Variants in TRIM5 observed in about 807,000 individuals in gnomAD.
TRIM5 encodes the protein tripartite motif containing 5.
In TRIM5, 31 loss-of-function variants were observed where a neutral mutation model predicts 35.6. The ratio of observed to expected loss-of-function variants is 0.87; its 90% confidence interval spans 0.65 to 1.18. TRIM5 has a LOEUF of 1.18. Ranked by LOEUF, TRIM5 falls within the 50% of genes most tolerant of loss-of-function variation. The pLI is 0.00. For synonymous variants in TRIM5, 243 were observed against 215.6 expected, an observed-to-expected ratio of 1.13 and a Z score of -1.11; for missense variants, 609 against 591.6, an observed-to-expected ratio of 1.03 and a Z score of -0.31.
intron 1 of TRIM5, among the ~76,000 whole-genome samples, chr11:5,681,103 G>A (rs4992797): frequency 0.55 from 83,931 of 151,688 alleles, 23,314 homozygotes; most frequent in African/African-American, 0.6. Flanking sequence ...TGGTGTAGAG[G>A]GTGATGATAG....
chr11:5,655,561 A>C, the TRIM5 span: 1 of 844,980 alleles, frequency 1.2e-6, no homozygotes, highest in Non-Finnish European at 1.4e-6. Flanking sequence ...GTATTATTTC[A>C]GTAAGAAACA....
the TRIM5 span, chr11:5,610,902 A>G: frequency 6.2e-7 from 1 of 1,614,196 alleles, no homozygotes; most frequent in Non-Finnish European, 8.5e-7. Context: ...TTATGACTGT[A>G]GTGTCCTGGG....
At chr11:5,596,745 C>G in the TRIM5 span, 10 of 1,199,044 alleles carry the variant, frequency 8.3e-6, no homozygotes, top group Non-Finnish European at 1.2e-5. Flanking sequence ...CGGAACGGAA[C>G]GGAGCAGAGT....
At chr11:5,615,584 T>G in the TRIM5 span, among the ~76,000 whole-genome samples, 29 of 113,596 alleles carry the variant, frequency 2.6e-4, no homozygotes, top group Middle Eastern at 4.2e-3. Context: ...TTTGTTTTTT[T>G]TTTGTTGTTG....
chr11:5,596,729 C>A, the TRIM5 span: 17 of 1,046,674 alleles, frequency 1.6e-5, no homozygotes, highest in Non-Finnish European at 2.3e-5. Flanking sequence ...GATCCCCTGC[C>A]TTTCTCGGAA....
the TRIM5 span, among the ~76,000 whole-genome samples, chr11:5,600,072 G>A: frequency 1.3e-5 from 2 of 152,116 alleles, no homozygotes; most frequent in South Asian, 2.1e-4. Context: ...AGGTAAATAC[G>A]TCTGTAACAC....
chr11:5,619,333 G>A, the TRIM5 span, among the ~76,000 whole-genome samples: 1 of 152,218 alleles, frequency 6.6e-6, no homozygotes, highest in Non-Finnish European at 1.5e-5. Context: ...TGTTGCCAGA[G>A]AAGTACAGGA....
the TRIM5 span, among the ~76,000 whole-genome samples, chr11:5,609,331 A>G: frequency 6.6e-6 from 1 of 152,162 alleles, no homozygotes; most frequent in Non-Finnish European, 1.5e-5. Context: ...GGCAAATCCT[A>G]AAATGCTGTT....
At position 5,664,439 on chromosome 11, in the gene TRIM5, T is replaced by C; in HGVS notation, c.*370A>G. On this transcript the variant is annotated 3_prime_UTR_variant, in exon 8 of 8. Coordinates refer to ENST00000380034, the MANE Select transcript of TRIM5 (RefSeq NM_033034.3). ...GGACTCATTCATTGGTGAACAATTA[T>C]CACACGATGATATAGAAAGGCTGTT... 1 of 1,016,014 alleles carries C rather than the reference T, an allele frequency of 9.8e-7. No homozygotes were observed. Among genetic ancestry groups the C allele is most frequent in the Non-Finnish European group, 1.2e-6 (1 of 848,092 alleles). The allele number at this position is 1,016,014 out of a possible 1,614,324, so 62.9% of individuals were successfully genotyped here.
At chr11:5,598,092 T>A in the TRIM5 span, among the ~76,000 whole-genome samples, 2 of 152,212 alleles carry the variant, frequency 1.3e-5, no homozygotes, top group Non-Finnish European at 2.9e-5. Context: ...GCTAATTTGA[T>A]GCACTGGGCT....
At chr11:5,593,422 T>A in the TRIM5 span, among the ~76,000 whole-genome samples, 3 of 152,170 alleles carry the variant, frequency 2.0e-5, no homozygotes, top group African/African-American at 7.2e-5. Context: ...TACTAGAGAT[T>A]TTTTTCACAG....
chr11:5,600,962 C>T, the TRIM5 span, among the ~76,000 whole-genome samples: 1 of 152,170 alleles, frequency 6.6e-6, no homozygotes, highest in Non-Finnish European at 1.5e-5. Flanking sequence ...AGAGTATTCT[C>T]AGTGTGATTT....
the TRIM5 span, chr11:5,589,158 T>A: frequency 6.6e-6 from 1 of 152,038 alleles, no homozygotes; most frequent in Non-Finnish European, 1.5e-5. Flanking sequence ...TGAGAGGTTA[T>A]AATAAATACA....
chr11:5,620,278 A>G, the TRIM5 span, among the ~76,000 whole-genome samples: 1 of 131,200 alleles, frequency 7.6e-6, no homozygotes, highest in East Asian at 2.3e-4. Flanking sequence ...CCTGGGTTCT[A>G]TGGATTCTCC....
At chr11:5,667,231 G>A (rs1281519106) in intron 5 of TRIM5, among the ~76,000 whole-genome samples, 1 of 151,936 alleles carries the variant, frequency 6.6e-6, no homozygotes, top group Non-Finnish European at 1.5e-5. Context: ...TTCTAAGACA[G>A]AGTCTCACTT....
chr11:5,657,584 TA>T, the TRIM5 span, among the ~76,000 whole-genome samples: 1 of 101,242 alleles, frequency 9.9e-6, no homozygotes, highest in Non-Finnish European at 1.8e-5. Context: ...ATATTATATA[TA>T]ATGCATTATA....
the TRIM5 span, chr11:5,605,230 G>C: frequency 6.8e-7 from 1 of 1,467,582 alleles, no homozygotes; most frequent in Non-Finnish European, 9.5e-7. Context: ...CTCTCCCTGG[G>C]AGGCTTGGCC....
At chr11:5,682,980 C>G (rs12800584) in intron 1 of TRIM5, among the ~76,000 whole-genome samples, 80,371 of 151,704 alleles carry the variant, frequency 0.53, 21,264 homozygotes, top group Non-Finnish European at 0.53. Flanking sequence ...GGCTGCGCGC[C>G]GCGCTTGTGG....
chr11:5,642,733 CT>C, the TRIM5 span: 14 of 1,569,238 alleles, frequency 8.9e-6, no homozygotes, highest in African/African-American at 1.8e-4. Context: ...TTCCCTTCCC[CT>C]GTCCCTACTC....
Sources: allele counts gnomAD v4.1 joint callset (sites outside exome capture counted in the v4.1 genomes callset), GRCh38; gene constraint gnomAD v4.1.1; transcripts MANE v1.5; gene names NCBI Gene and HGNC (gene_info 2026-07-23, HGNC 2026-07-21).